Variants in CPLANE1 observed in about 807,000 individuals in gnomAD.
The protein encoded by CPLANE1 is ciliogenesis and planar polarity effector 1.
A neutral mutation model predicts 362.5 loss-of-function variants in CPLANE1; 263 were observed. The observed-to-expected ratio is 0.73, with a 90% CI of 0.66 to 0.80. The LOEUF is 0.80. Ranked by LOEUF, CPLANE1 falls within the 30% of genes least tolerant of loss-of-function variation. The pLI, the probability that CPLANE1 is intolerant of heterozygous loss-of-function variation, is 0.00. For missense variants in CPLANE1, 3,461 were observed against 3,793.4 expected, an observed-to-expected ratio of 0.91 and a Z score of 2.30; for synonymous variants, 1,212 against 1,302.6, an observed-to-expected ratio of 0.93 and a Z score of 1.50.
At chr5:37,221,911 CA>C (rs1420181623) in intron 14 of CPLANE1, among the ~76,000 whole-genome samples, 1 of 152,134 alleles carries the variant, frequency 6.6e-6, no homozygotes, top group Non-Finnish European at 1.5e-5. Flanking sequence ...ATCATCTTAA[CA>C]TTAAGGTCTA....
At position 37,206,304 on chromosome 5, in the gene CPLANE1, C is replaced by A. The variant is rs1157392086; in HGVS notation, c.3042G>T (p.Leu1014=). 6.4e-7 allele frequency: 1 copy of A among 1,551,712 alleles called. No individual in the cohort carries two copies. Among genetic ancestry groups the A allele is most frequent in the South Asian group, 1.2e-5 (1 of 84,066 alleles). The change falls in exon 17 of 53, where the codon CTG becomes CTT. Residue 1014 remains leucine (L), a synonymous_variant. Transcript: ENST00000651892. ...ATGCCAACCACACAGCCTCTGGAAC[C>A]AGGCCACCAATAAATAGTAATTCAA... ...YALELLFIGG[L]VPEAVWLAYK...
At position 37,169,060 on chromosome 5, in the gene CPLANE1, C is replaced by T. The variant is rs1218624700; in HGVS notation, c.6964G>A (p.Gly2322Arg). 6.2e-7 allele frequency: 1 copy of T among 1,614,010 alleles called. No individual in the cohort carries two copies. Among genetic ancestry groups the T allele is most frequent in the Non-Finnish European group, 8.5e-7 (1 of 1,180,018 alleles). The change falls in exon 34 of 53, where the codon GGA becomes AGA. Residue 2322 changes from glycine (G) to arginine (R), a missense_variant. Gly to Arg is a moderately radical substitution (Grantham distance 125). Transcript: ENST00000651892. Reference protein sequence around the residue: ...PNHVNLDQYVGQENLTPQQDS... With the variant: ...PNHVNLDQYVRQENLTPQQDS... The stretch of plus-strand genomic sequence containing the variant: ...TGTTGAGGTGTCAAATTTTCTTGTC[C>T]AACATATTGATCCAAGTTCACATGA...
At chr5:37,207,486 A>C (rs1356117291) in intron 16 of CPLANE1, among the ~76,000 whole-genome samples, 1 of 152,236 alleles carries the variant, frequency 6.6e-6, no homozygotes, top group Admixed American at 6.5e-5. Context: ...AATTTTCTGA[A>C]AATTTTACTA....
At chr5:37,126,432 C>T (rs1764142111) in intron 46 of CPLANE1, among the ~76,000 whole-genome samples, 1 of 152,124 alleles carries the variant, frequency 6.6e-6, no homozygotes, top group South Asian at 2.1e-4. Context: ...GAGGTTTTAC[C>T]ATTGACCTGG....
chr5:37,153,537 C>A lies in CPLANE1; in HGVS notation c.8373+203G>T, dbSNP rs564114917. ...CAGTGGGTAAAGACCAGGGATGCTG[C>A]CAAATATCCTACAACGCATGGGACA... On this transcript the variant is annotated intron_variant, in intron 42 of 52. Transcript: ENST00000651892. Among the ~76,000 whole-genome samples, 7 of 152,032 alleles carry A rather than the reference C, an allele frequency of 4.6e-5. No homozygotes were observed. In the South Asian group the frequency reaches 1.5e-3, roughly 32 times the overall value.
intron 18 of CPLANE1, among the ~76,000 whole-genome samples, chr5:37,205,029 C>T (rs1308692451): frequency 1.3e-5 from 2 of 152,232 alleles, no homozygotes; most frequent in Non-Finnish European, 2.9e-5. Flanking sequence ...TGGTGGCCCA[C>T]GCCTGTAATC....
Position 37,183,490 on chromosome 5 carries a change from C to T in CPLANE1, c.4691G>A (p.Arg1564Lys). The part of the protein sequence containing the change: ...LDLFLSYILE[R>K]DLPYSRDADI... ...AGCATCCCTGGAATAAGGTAGGTCTCTTTCAAGAATGTAACTCAAAAACAG... is the reference window on the plus strand; with the variant it reads ...AGCATCCCTGGAATAAGGTAGGTCTTTTTCAAGAATGTAACTCAAAAACAG... Residue 1564 changes from arginine (R) to lysine (K), a missense_variant, in exon 26 of 53, where the codon AGA (arginine) becomes AAA (lysine). Physicochemically the swap from Arg to Lys is conservative, Grantham distance 26. This residue lies in a region of CPLANE1 where 3,380 missense variants were observed against 3,666.1 expected (regional missense o/e 0.92). Coordinates refer to ENST00000651892, the MANE Select transcript of CPLANE1 (RefSeq NM_001384732.1). The T allele has an allele frequency of 6.2e-7, 1 of 1,613,532 alleles. No homozygotes were observed. Among genetic ancestry groups the T allele is most frequent in the Non-Finnish European group, 8.5e-7 (1 of 1,179,614 alleles).
chr5:37,120,238 A>C lies in CPLANE1; in HGVS notation c.9288T>G (p.Pro3096=). 1 of 1,605,264 alleles carries C rather than the reference A, an allele frequency of 6.2e-7. No individual in the cohort carries two copies. Among genetic ancestry groups the C allele is most frequent in the Non-Finnish European group, 8.5e-7 (1 of 1,177,826 alleles). The stretch of plus-strand genomic sequence containing the variant: ...TACCATGTGGCCAAGGTGAGCCTTG[A>C]GGTTGCCCAAAAGACTTCCTCTTAT... ...YIHKRKSFGQ[P]QGSPWPHGTA... Residue 3096 remains proline, a synonymous_variant, in exon 50 of 53, where the codon CCT becomes CCG. Coordinates refer to ENST00000651892, the MANE Select transcript of CPLANE1 (RefSeq NM_001384732.1).
In CPLANE1 at chr5:37,169,099, T is replaced by C; in HGVS notation, c.6925A>G (p.Thr2309Ala). ...AAGTTCACATGATTAGGAATTTCTG[T>C]AATTACAGTTTCTGCCCACGTCTTC... ...EQKTWAETVI[T>A]EIPNHVNLDQ... The change falls in exon 34 of 53, where the codon ACA (threonine) becomes GCA (alanine). Residue 2309 changes from threonine (T) to alanine (A), a missense_variant. Transcript: ENST00000651892. 1 of 1,614,238 alleles carries C rather than the reference T, an allele frequency of 6.2e-7. No individual in the cohort carries two copies. The highest frequency in any genetic ancestry group is 1.1e-5 in the South Asian group (1 of 91,082).
intron 7 of CPLANE1, 64 bp downstream of exon 7, chr5:37,239,649 A>C (rs1194613435): frequency 8.1e-7 from 1 of 1,232,894 alleles, no homozygotes; most frequent in East Asian, 2.9e-5. Context: ...GAAAAAGAAA[A>C]ATCTCAAAAC....
chr5:37,238,850 T>A lies in CPLANE1; in HGVS notation c.938+7A>T. On this transcript the variant is annotated splice_region_variant and intron_variant, in intron 8 of 52. Transcript: ENST00000651892. Reference sequence around the variant, plus strand: ...AAGAAAAAAAAGACAGACAAAAGAGTTCTTACCTAATAAGTGTAGCTGGAA... The same window carrying A: ...AAGAAAAAAAAGACAGACAAAAGAGATCTTACCTAATAAGTGTAGCTGGAA... 1 of 1,446,518 alleles carries A rather than the reference T, an allele frequency of 6.9e-7. No individual in the cohort carries two copies. The highest frequency in any genetic ancestry group is 1.4e-5 in the South Asian group (1 of 71,760). 89.6% of individuals were successfully genotyped at this position (1,446,518 alleles called of 1,614,324 possible).
At chr5:37,170,918 G>C (rs1439695412) in intron 32 of CPLANE1, among the ~76,000 whole-genome samples, 1 of 152,286 alleles carries the variant, frequency 6.6e-6, no homozygotes, top group South Asian at 2.1e-4. Flanking sequence ...CCTGGTGACA[G>C]AGTAAGATTC....
rs1450376924 is a variant in CPLANE1 at position 37,227,406 on chromosome 5, G to C, written c.1372-14C>G. On this transcript the variant is annotated splice_polypyrimidine_tract_variant and intron_variant, in intron 10 of 52. Coordinates refer to ENST00000651892, the MANE Select transcript of CPLANE1 (RefSeq NM_001384732.1). ...TTTGCCTTTTGGCTAAAGAAGAAAAGATGAAAGATTTCCAAGAGCAAAATG... is the reference window on the plus strand; with the variant it reads ...TTTGCCTTTTGGCTAAAGAAGAAAACATGAAAGATTTCCAAGAGCAAAATG... 2.2e-5 allele frequency: 34 copies of C among 1,515,438 alleles called. No individual in the cohort carries two copies. The highest frequency in any genetic ancestry group is 2.9e-5 in the Non-Finnish European group (33 of 1,132,340). 93.9% of individuals were successfully genotyped at this position (1,515,438 alleles called of 1,614,324 possible). A position where few individuals can be genotyped will look rare whatever the true frequency, so the allele number is the denominator to read the frequency against.
chr5:37,247,889 C>A (rs1214744100), intron 1 of CPLANE1, 144 bp from the exon 2 acceptor site: 1 of 481,578 alleles, frequency 2.1e-6, no homozygotes, highest in East Asian at 4.0e-5. Flanking sequence ...CCTCCGCCTC[C>A]CGGATTCAAG....
Position 37,185,050 on chromosome 5 carries a change from C to A in CPLANE1, c.4219G>T (p.Val1407Phe), listed in dbSNP as rs2151179962. The A allele has an allele frequency of 6.2e-7, 1 of 1,613,020 alleles. No homozygotes were observed. Among genetic ancestry groups the A allele is most frequent in the Non-Finnish European group, 8.5e-7 (1 of 1,179,582 alleles). ...CTCACTTTCTGGATAGAATGCATGACAACAGACATCATTTCCTCAGTCTGG... is the reference window on the plus strand; with the variant it reads ...CTCACTTTCTGGATAGAATGCATGAAAACAGACATCATTTCCTCAGTCTGG... ...GPQTEEMMSV[V>F]MHSIQKVRVK... Residue 1407 changes from valine to phenylalanine, a missense_variant, in exon 25 of 53, where the codon GTC becomes TTC. Around this residue, in one of 2 missense-constraint regions of CPLANE1, gnomAD observed 3,380 missense variants for 3,666.1 expected, o/e 0.92. Transcript: ENST00000651892.
chr5:37,208,943 A>G (rs1398039606), intron 16 of CPLANE1, among the ~76,000 whole-genome samples: 3 of 121,902 alleles, frequency 2.5e-5, no homozygotes, highest in Non-Finnish European at 5.1e-5. Flanking sequence ...AGATGAAAAA[A>G]AAAAAGAAAA....
At chr5:37,165,483 T>G in intron 36 of CPLANE1, 56 bp downstream of exon 36, 1 of 1,565,498 alleles carries the variant, frequency 6.4e-7, no homozygotes, top group Non-Finnish European at 8.7e-7. Context: ...CACAAAGACA[T>G]ACCAAACTCA....
At position 37,122,454 on chromosome 5, in the gene CPLANE1, T is replaced by C. The variant is rs2150099018; in HGVS notation, c.8993A>G (p.Gln2998Arg). 6.2e-7 allele frequency: 1 copy of C among 1,613,312 alleles called. No individual in the cohort carries two copies. The highest frequency in any genetic ancestry group is 8.5e-7 in the Non-Finnish European group (1 of 1,179,824). The change falls in exon 48 of 53, where the codon CAA becomes CGA. Residue 2998 changes from glutamine (Q) to arginine (R), a missense_variant. Coordinates refer to ENST00000651892, the MANE Select transcript of CPLANE1 (RefSeq NM_001384732.1). ...CCTGTCTTTTTCATGCTTCATCTTTTGTCTCAGCCTTATTTCCCTTGAAGT... is the reference window on the plus strand; with the variant it reads ...CCTGTCTTTTTCATGCTTCATCTTTCGTCTCAGCCTTATTTCCCTTGAAGT... ...YMTSREIRLR[Q>R]KMKHEKDRLL...
chr5:37,181,141 C>T (rs561302812), intron 26 of CPLANE1, 136 bp from the exon 27 acceptor site: 17 of 800,238 alleles, frequency 2.1e-5, no homozygotes, highest in East Asian at 5.5e-5. Flanking sequence ...TGCATTTCTA[C>T]AACTCAATAT....
Sources: gnomAD v4.1 joint callset for allele counts (sites outside exome capture counted in the v4.1 genomes callset) on GRCh38, gnomAD v4.1.1 for gene constraint, gnomAD v4.1.1 regional missense constraint, MANE v1.5 for transcripts, NCBI Gene and HGNC (gene_info 2026-07-23, HGNC 2026-07-21) for gene names.